The following PTTG1IP variants were observed in gnomAD, a reference collection of about 807,000 sequenced individuals.
PTTG1IP encodes PTTG1 interacting protein, also known as pituitary tumor-transforming gene 1 protein-interacting protein.
PTTG1IP carries 16 observed loss-of-function variants against 24.4 expected under a neutral mutation model. The ratio of observed to expected loss-of-function variants is 0.66; its 90% CI spans 0.44 to 1.00. The LOEUF is 1.00. Ranked by LOEUF, PTTG1IP falls within the 50% of genes least tolerant of loss-of-function variation. The probability of loss-of-function intolerance (pLI) is 0.00; values close to 1 mark genes in which losing one functional copy is unlikely to be tolerated. For missense variants in PTTG1IP, 241 were observed against 245.8 expected (o/e 0.98, Z 0.13); for synonymous variants, 89 against 96.8 (o/e 0.92, Z 0.47).
chr21:44,854,151 C>G (rs1239316324), intron 5 of PTTG1IP, among the ~76,000 whole-genome samples: 1 of 152,200 alleles, frequency 6.6e-6, no homozygotes, highest in African/African-American at 2.4e-5. Context: ...GCTTTGCCGT[C>G]CACCCCCCAC....
chr21:44,854,489 C>T (rs2083434135), intron 5 of PTTG1IP, among the ~76,000 whole-genome samples: 1 of 122,064 alleles, frequency 8.2e-6, no homozygotes, highest in African/African-American at 3.2e-5. Context: ...TGACACCACA[C>T]AACCACAAAC....
At chr21:44,866,328 C>A (rs2083537191) in intron 1 of PTTG1IP, among the ~76,000 whole-genome samples, 1 of 113,758 alleles carries the variant, frequency 8.8e-6, no homozygotes. Flanking sequence ...CTCCCCCAAT[C>A]CCATAACACA....
At chr21:44,854,685 C>T (rs2083435683) in intron 5 of PTTG1IP, among the ~76,000 whole-genome samples, 1 of 152,220 alleles carries the variant, frequency 6.6e-6, no homozygotes, top group South Asian at 2.1e-4. Context: ...CAAATACATT[C>T]ATTCTGGCTC....
chr21:44,850,374 A>C lies in PTTG1IP; in HGVS notation c.*1207T>G, dbSNP rs2083402342. On this transcript the variant is annotated 3_prime_UTR_variant, in exon 6 of 6. Transcript: ENST00000330938. ...ACGAAGCGCTTGGTCTGCTTACTAA[A>C]GCCACGTATCCTGATTTTACAGAAA... is the stretch of plus-strand genomic sequence containing the variant. 6.6e-6 allele frequency: 1 copy of C among 152,376 alleles called. No homozygotes were observed. The highest frequency in any genetic ancestry group is 2.4e-5 in the African/African-American group (1 of 41,588). The allele number at this position is 152,376 out of a possible 1,614,324, so 9.4% of individuals were successfully genotyped here. A position where few individuals can be genotyped will look rare whatever the true frequency, so the allele number is the denominator to read the frequency against.
At chr21:44,852,354 G>A (rs1244496454) in intron 5 of PTTG1IP, among the ~76,000 whole-genome samples, 1 of 152,080 alleles carries the variant, frequency 6.6e-6, no homozygotes, top group Non-Finnish European at 1.5e-5. Context: ...GCTAATTTTT[G>A]TATTTTTAGT....
chr21:44,866,107 G>A (rs1278595291), intron 1 of PTTG1IP, among the ~76,000 whole-genome samples: 1 of 152,030 alleles, frequency 6.6e-6, no homozygotes, highest in African/African-American at 2.4e-5. Flanking sequence ...CAAACTCCAC[G>A]CAGCCAACAG....
chr21:44,853,507 CAAAAAAAA>C (rs35396285), intron 5 of PTTG1IP, among the ~76,000 whole-genome samples: 1 of 94,816 alleles, frequency 1.1e-5, no homozygotes, highest in East Asian at 2.8e-4. Context: ...GACTCCGTCT[CAAAAAAAA>C]AAAAAAAAAA....
intron 1 of PTTG1IP, chr21:44,873,096 G>A (rs1182518061): frequency 6.5e-6 from 1 of 152,704 alleles, no homozygotes; most frequent in African/African-American, 2.4e-5. Flanking sequence ...CCAGCTGTGC[G>A]ACCTCGAACA....
intron 2 of PTTG1IP, 103 bp downstream of exon 2, chr21:44,865,292 A>G: frequency 7.6e-6 from 9 of 1,185,896 alleles, no homozygotes; most frequent in Middle Eastern, 2.0e-4. Context: ...CCCAAACAAC[A>G]GAGCCCTCCA....
intron 2 of PTTG1IP, among the ~76,000 whole-genome samples, chr21:44,863,148 AGCAGCAGAGACACAGCCCACCACG>A (rs1159381967): frequency 2.9e-5 from 4 of 136,146 alleles, no homozygotes; most frequent in East Asian, 4.4e-4. Context: ...CCACGGCCTC[AGCAGCAGAGACACAGCCCACCACG>A]GCCTCAGCAG....
Position 44,867,803 on chromosome 21 carries a change from G to A in PTTG1IP, c.116-2356C>T, listed in dbSNP as rs148787109. ...CTGTCCATGTGAAGAGCTTCATGAT[G>A]AAATGGAGGGAAAAGAGCTTCAGCT... On this transcript the variant is annotated intron_variant, in intron 1 of 5. Transcript: ENST00000330938. Among the ~76,000 whole-genome samples the A allele has an allele frequency of 1.5e-3, 229 of 152,352 alleles. 1 individual carries two copies. The highest frequency in any genetic ancestry group is 5.2e-3 in the African/African-American group (217 of 41,576).
intron 3 of PTTG1IP, among the ~76,000 whole-genome samples, chr21:44,858,192 C>A (rs558901569): frequency 2.4e-4 from 37 of 152,360 alleles, no homozygotes; most frequent in African/African-American, 8.4e-4. Flanking sequence ...GTAGACATTT[C>A]ATTTTCCTTC....
In PTTG1IP at chr21:44,873,528, G is replaced by A; in HGVS notation, c.89C>T (p.Ala30Val). Residue 30 changes from alanine (A) to valine (V), a missense_variant, in exon 1 of 6, where the codon GCC (alanine) becomes GTC (valine). Physicochemically the swap from Ala to Val is moderately conservative, Grantham distance 64 (BLOSUM62 0). Transcript: ENST00000330938. ...AGCTCCGGGAGGCTCCTGCGCGGCG[G>A]CCACCGGGATGAGCAGCAGGAGCAG... ...AALLLLLIPV[A>V]AAQEPPGAAC... 4 of 1,463,868 alleles carry A rather than the reference G, an allele frequency of 2.7e-6. No homozygotes were observed. The highest frequency in any genetic ancestry group is 1.8e-6 in the Non-Finnish European group (2 of 1,113,952). The allele number at this position is 1,463,868 out of a possible 1,614,324, so 90.7% of individuals were successfully genotyped here.
In PTTG1IP at chr21:44,873,644, G is replaced by T. The variant is rs546628078; in HGVS notation, c.-28C>A. ...TCGGCCGGTCGCTCTATCAGTCAGT[G>T]GAGCGTTACAACTCCGACTCCAGCA... is the stretch of plus-strand genomic sequence containing the variant. On this transcript the variant is annotated 5_prime_UTR_variant, in exon 1 of 6. Transcript: ENST00000330938. The T allele has an allele frequency of 7.2e-7, 1 of 1,383,018 alleles. No individual in the cohort carries two copies. The highest frequency in any genetic ancestry group is 1.5e-5 in the African/African-American group (1 of 65,980). The allele number at this position is 1,383,018 out of a possible 1,614,324, so 85.7% of individuals were successfully genotyped here.
chr21:44,864,074 C>T (rs766263011), intron 2 of PTTG1IP, among the ~76,000 whole-genome samples: 1 of 152,230 alleles, frequency 6.6e-6, no homozygotes, highest in African/African-American at 2.4e-5. Flanking sequence ...ATCATGAAAC[C>T]TCATTGCCGG....
chr21:44,873,124 C>A (rs1171278058), intron 1 of PTTG1IP: 1 of 153,938 alleles, frequency 6.5e-6, no homozygotes, highest in East Asian at 1.9e-4. Flanking sequence ...AGCCGGCTTC[C>A]CGGCTCGGGA....
chr21:44,867,560 G>C lies in PTTG1IP; in HGVS notation c.116-2113C>G, dbSNP rs187688126. Among the ~76,000 whole-genome samples, 514 of 152,292 alleles carry C rather than the reference G, an allele frequency of 3.4e-3. 4 individuals are homozygous for C. The highest frequency in any genetic ancestry group is 0.011 in the African/African-American group (472 of 41,552). On this transcript the variant is annotated intron_variant, in intron 1 of 5. Transcript: ENST00000330938. ...CCCGTAAGAAAAATGTATCTCAAAA[G>C]AAAAAACAAGACAACTGCTGAACTC...
At position 44,852,564 on chromosome 21, in the gene PTTG1IP, G is replaced by A. The variant is rs144122462; in HGVS notation, c.497-937C>T. Among the ~76,000 whole-genome samples the A allele has an allele frequency of 1.5e-3, 222 of 152,300 alleles. 2 individuals carry two copies. The highest frequency in any genetic ancestry group is 5.2e-3 in the African/African-American group (216 of 41,560). ...AAGCTACTCACTGCATGTATTCTGGGGGCTGGGTGGAAGAGGCGGCGGGGA... is the reference window on the plus strand; with the variant it reads ...AAGCTACTCACTGCATGTATTCTGGAGGCTGGGTGGAAGAGGCGGCGGGGA... On this transcript the variant is annotated intron_variant, in intron 5 of 5. Coordinates refer to ENST00000330938, the MANE Select transcript of PTTG1IP (RefSeq NM_004339.4).
intron 2 of PTTG1IP, among the ~76,000 whole-genome samples, chr21:44,865,058 A>C (rs1822343321): frequency 6.6e-6 from 1 of 152,140 alleles, no homozygotes; most frequent in Admixed American, 6.5e-5. Flanking sequence ...CTGGGAAAAC[A>C]CGGGCTCACA....
Sources: allele counts gnomAD v4.1 joint callset (sites outside exome capture counted in the v4.1 genomes callset), GRCh38; gene constraint gnomAD v4.1.1; transcripts MANE v1.5; gene names NCBI Gene and HGNC (gene_info 2026-07-23, HGNC 2026-07-21).